The following TBC1D22A variants were observed in gnomAD, a reference collection of about 807,000 sequenced individuals.
The protein encoded by TBC1D22A is TBC1 domain family member 22A, also known as putative GTPase activator.
In TBC1D22A, 38 loss-of-function variants were observed where a neutral mutation model predicts 60.2. That is an observed-to-expected ratio of 0.63 (90% CI 0.49 to 0.83). The LOEUF (loss-of-function observed/expected upper bound fraction) is 0.83. TBC1D22A is among the 40% of genes least tolerant of loss of function. The pLI is 0.00. For missense variants in TBC1D22A, 628 were observed against 701.0 expected, an observed-to-expected ratio of 0.90 and a Z score of 1.18; for synonymous variants, 302 against 281.7, an observed-to-expected ratio of 1.07 and a Z score of -0.72.
chr22:46,921,686 A>T (rs2070767150), intron 8 of TBC1D22A, among the ~76,000 whole-genome samples: 1 of 152,170 alleles, frequency 6.6e-6, no homozygotes, highest in Non-Finnish European at 1.5e-5. Context: ...ATAGTGGCTG[A>T]ACTATTTACA....
At chr22:47,158,510 G>A (rs575462528) in intron 12 of TBC1D22A, among the ~76,000 whole-genome samples, 2 of 152,092 alleles carry the variant, frequency 1.3e-5, no homozygotes, top group African/African-American at 2.4e-5. Flanking sequence ...ACCCAGCCCC[G>A]ACAGGTTCTT....
chr22:46,991,873 C>T (rs773981472), intron 9 of TBC1D22A, among the ~76,000 whole-genome samples: 2 of 152,192 alleles, frequency 1.3e-5, no homozygotes, highest in Non-Finnish European at 2.9e-5. Flanking sequence ...CATGCTCCCT[C>T]GGGCCGCCGG....
chr22:47,011,775 A>C (rs145533079), intron 10 of TBC1D22A, among the ~76,000 whole-genome samples: 4 of 152,284 alleles, frequency 2.6e-5, no homozygotes, highest in East Asian at 1.9e-4. Flanking sequence ...AGGATCTCAA[A>C]TCCTCATCCT....
At chr22:46,941,553 G>C (rs201255389) in intron 8 of TBC1D22A, among the ~76,000 whole-genome samples, 72 of 117,716 alleles carry the variant, frequency 6.1e-4, no homozygotes, top group East Asian at 4.8e-3. Context: ...TATATATACA[G>C]GGAATATATA....
rs548704056 is a variant in TBC1D22A at position 47,111,759 on chromosome 22, T to G, written c.1425+156T>G. 2.0e-5 allele frequency among the ~76,000 whole-genome samples: 3 copies of G among 152,302 alleles called. No individual in the cohort carries two copies. The South Asian group carries it at 6.2e-4, about 32-fold the overall frequency. On this transcript the variant is annotated intron_variant, in intron 12 of 12. Transcript: ENST00000337137. Reference sequence around the variant, plus strand: ...CCTGCTGGTTGAAAGCTCGTCCAGCTGAGGAGATGAGCCTGGCAGTGGTCA... The same window carrying G: ...CCTGCTGGTTGAAAGCTCGTCCAGCGGAGGAGATGAGCCTGGCAGTGGTCA...
intron 4 of TBC1D22A, among the ~76,000 whole-genome samples, chr22:46,826,686 C>G (rs936949268): frequency 6.6e-6 from 1 of 152,126 alleles, no homozygotes; most frequent in African/African-American, 2.4e-5. Flanking sequence ...CGGAGACTGT[C>G]CCGGAGCTTG....
At chr22:46,772,960 A>G (rs1034732187) in intron 1 of TBC1D22A, among the ~76,000 whole-genome samples, 1 of 152,174 alleles carries the variant, frequency 6.6e-6, no homozygotes. Context: ...TTGTTGATGG[A>G]TGGGCATTTG....
At chr22:46,962,938 G>T (rs964032562) in intron 8 of TBC1D22A, among the ~76,000 whole-genome samples, 4 of 151,962 alleles carry the variant, frequency 2.6e-5, no homozygotes, top group African/African-American at 9.7e-5. Flanking sequence ...CCTGGGCCGG[G>T]TGCAGTGGCT....
chr22:47,045,026 C>T (rs745471301), intron 11 of TBC1D22A, among the ~76,000 whole-genome samples: 9 of 152,210 alleles, frequency 5.9e-5, no homozygotes, highest in South Asian at 2.1e-4. Context: ...AGTGGGCGCT[C>T]GGGACCCCTG....
At chr22:46,903,530 T>A (rs2069164642) in intron 7 of TBC1D22A, among the ~76,000 whole-genome samples, 1 of 152,222 alleles carries the variant, frequency 6.6e-6, no homozygotes, top group Non-Finnish European at 1.5e-5. Flanking sequence ...CGCCTCTGGT[T>A]GCTGCTCTGA....
intron 10 of TBC1D22A, among the ~76,000 whole-genome samples, chr22:47,032,103 G>C (rs1419171875): frequency 1.3e-5 from 2 of 152,210 alleles, no homozygotes; most frequent in African/African-American, 4.8e-5. Context: ...CCGAGCCCCG[G>C]CACAGGTGGG....
At chr22:47,016,669 C>G (rs1289079097) in intron 10 of TBC1D22A, among the ~76,000 whole-genome samples, 1 of 152,240 alleles carries the variant, frequency 6.6e-6, no homozygotes, top group Non-Finnish European at 1.5e-5. Flanking sequence ...TGTCCTTTGT[C>G]CGCTGCACGA....
chr22:46,790,925 A>C (rs2084376954), intron 1 of TBC1D22A, among the ~76,000 whole-genome samples: 2 of 152,116 alleles, frequency 1.3e-5, no homozygotes, highest in South Asian at 4.1e-4. Context: ...TAATCACTAT[A>C]TTATTTTATT....
intron 7 of TBC1D22A, among the ~76,000 whole-genome samples, chr22:46,911,596 T>C (rs1038592730): frequency 2.6e-5 from 4 of 151,980 alleles, no homozygotes; most frequent in Non-Finnish European, 5.9e-5. Flanking sequence ...TGTGGGACAA[T>C]AAATAATTTT....
intron 12 of TBC1D22A, among the ~76,000 whole-genome samples, chr22:47,167,034 A>T (rs2068235027): frequency 6.6e-6 from 1 of 152,252 alleles, no homozygotes; most frequent in Admixed American, 6.5e-5. Flanking sequence ...TTTAAAAATT[A>T]TGTTTAGTAT....
At chr22:47,117,657 C>T (rs964675399) in intron 12 of TBC1D22A, among the ~76,000 whole-genome samples, 35 of 152,304 alleles carry the variant, frequency 2.3e-4, no homozygotes, top group East Asian at 1.2e-3. Flanking sequence ...AGGACGCTCC[C>T]GGGAGCACAG....
At chr22:47,072,409 G>A (rs947637196) in intron 11 of TBC1D22A, among the ~76,000 whole-genome samples, 2 of 152,254 alleles carry the variant, frequency 1.3e-5, no homozygotes, top group African/African-American at 2.4e-5. Flanking sequence ...AGCCTCCTTG[G>A]CTTTGCAGCA....
intron 4 of TBC1D22A, among the ~76,000 whole-genome samples, chr22:46,878,345 G>GGGGAGA (rs1569164088): frequency 6.8e-6 from 1 of 147,404 alleles, no homozygotes; most frequent in African/African-American, 2.5e-5. Flanking sequence ...GAGGTGGGAG[G>GGGGAGA]GAAGGAGGCC....
At position 47,028,455 on chromosome 22, in the gene TBC1D22A, T is replaced by G. The variant is rs1007109611; in HGVS notation, c.1202-8616T>G. On this transcript the variant is annotated intron_variant, in intron 10 of 12. Transcript: ENST00000337137. This position sits in a 1 kb window ranked among gnomAD's most constrained non-coding sequence, Gnocchi z 4.4. ...GGTCGCATTCCTGTCCCTCGGTCCC[T>G]GTCCCCCACGGCCCAGGTTCTGAGA... Among the ~76,000 whole-genome samples the G allele has an allele frequency of 8.1e-6, 1 of 124,048 alleles. No individual in the cohort carries two copies. Among genetic ancestry groups the G allele is most frequent in the African/African-American group, 3.9e-5 (1 of 25,508 alleles). The allele number at this position is 124,048 out of a possible 152,430, so 81.4% of individuals were successfully genotyped here.
Sources: gnomAD v4.1 joint callset for allele counts (sites outside exome capture counted in the v4.1 genomes callset) on GRCh38, gnomAD v4.1.1 for gene constraint, Gnocchi (gnomAD v3.1) non-coding constraint, MANE v1.5 for transcripts, NCBI Gene and HGNC (gene_info 2026-07-23, HGNC 2026-07-21) for gene names.